Variants in ELMO1 observed in about 807,000 individuals in gnomAD.
ELMO1 encodes engulfment and cell motility protein 1.
Under a neutral mutation model 98.9 loss-of-function variants are expected in ELMO1, and 26 were observed. That is an observed-to-expected ratio of 0.26 (90% confidence interval 0.19 to 0.36). The LOEUF (loss-of-function observed/expected upper bound fraction) is 0.36, where lower values mean the gene tolerates loss of function less well. Among genes scored for constraint, ELMO1 ranks in the 10% least tolerant of loss-of-function variants. The pLI is 1.00. For synonymous variants in ELMO1, 346 were observed against 346.0 expected (o/e 1.00, Z 0.00); for missense variants, 627 against 935.2 (o/e 0.67, Z 4.30).
At chr7:37,291,808 A>G (rs866553005) in intron 4 of ELMO1, among the ~76,000 whole-genome samples, 2 of 152,104 alleles carry the variant, frequency 1.3e-5, no homozygotes, top group Admixed American at 6.5e-5. Context: ...CCAGCTACTC[A>G]GGAGGCTGAG....
chr7:36,914,366 T>C (rs1392722424), intron 16 of ELMO1, among the ~76,000 whole-genome samples: 2 of 152,222 alleles, frequency 1.3e-5, no homozygotes, highest in African/African-American at 4.8e-5. Flanking sequence ...ACTAGTACTA[T>C]ATTAGAAAGT....
intron 20 of ELMO1, among the ~76,000 whole-genome samples, chr7:36,868,348 C>T (rs796384912): frequency 1.4e-5 from 2 of 140,628 alleles, no homozygotes; most frequent in African/African-American, 2.7e-5. Flanking sequence ...TCTTCTTCTT[C>T]TTTTTTTTTT....
At chr7:37,066,689 A>T (rs1796994788) in intron 15 of ELMO1, among the ~76,000 whole-genome samples, 1 of 152,242 alleles carries the variant, frequency 6.6e-6, no homozygotes, top group African/African-American at 2.4e-5. Flanking sequence ...GGATATGCTA[A>T]TTATCCTGAT....
At chr7:36,892,268 C>A (rs1410528396) in intron 17 of ELMO1, among the ~76,000 whole-genome samples, 3 of 152,050 alleles carry the variant, frequency 2.0e-5, no homozygotes, top group South Asian at 2.1e-4. Flanking sequence ...GTGGTCAGGC[C>A]CCAGCCAAGT....
At chr7:37,178,429 C>T (rs1790626573) in intron 13 of ELMO1, among the ~76,000 whole-genome samples, 1 of 50,188 alleles carries the variant, frequency 2.0e-5, no homozygotes, top group Admixed American at 2.7e-4. Flanking sequence ...AATTCCCCAT[C>T]TCTTCAAAAA....
At chr7:37,355,392 G>A (rs1405308565) in intron 1 of ELMO1, among the ~76,000 whole-genome samples, 1 of 152,234 alleles carries the variant, frequency 6.6e-6, no homozygotes, top group African/African-American at 2.4e-5. Flanking sequence ...AAACACATCT[G>A]TAGTCCAGTC....
chr7:37,403,927 T>C (rs1803639959), intron 1 of ELMO1, among the ~76,000 whole-genome samples: 1 of 152,170 alleles, frequency 6.6e-6, no homozygotes, highest in Admixed American at 6.5e-5. Context: ...TTCATAATAA[T>C]GGATACTAGT....
chr7:37,279,374 G>A (rs1048247672), intron 4 of ELMO1, among the ~76,000 whole-genome samples: 1 of 152,176 alleles, frequency 6.6e-6, no homozygotes, highest in Non-Finnish European at 1.5e-5. Flanking sequence ...ACAGAGTAGC[G>A]TGCGGAAGCT....
At chr7:36,908,747 GT>G (rs1784140786) in intron 16 of ELMO1, among the ~76,000 whole-genome samples, 1 of 152,124 alleles carries the variant, frequency 6.6e-6, no homozygotes, top group African/African-American at 2.4e-5. Flanking sequence ...GAAAACGTAT[GT>G]TTAAAAACTG....
chr7:36,909,725 G>GT, intron 16 of ELMO1, among the ~76,000 whole-genome samples: 1 of 152,274 alleles, frequency 6.6e-6, no homozygotes, highest in Middle Eastern at 3.4e-3. Flanking sequence ...ATCTCACATT[G>GT]TAAGAGTGAC....
intron 2 of ELMO1, among the ~76,000 whole-genome samples, chr7:37,339,463 C>T (rs2131245016): frequency 6.6e-6 from 1 of 152,310 alleles, no homozygotes; most frequent in Non-Finnish European, 1.5e-5. Flanking sequence ...GAAATAGCAG[C>T]TATCCAGGCT....
intron 1 of ELMO1, among the ~76,000 whole-genome samples, chr7:37,365,681 C>T (rs1801876051): frequency 6.6e-6 from 1 of 152,138 alleles, no homozygotes; most frequent in African/African-American, 2.4e-5. Flanking sequence ...AAGAACTAAC[C>T]AATGCATTAA....
chr7:37,225,512 T>A (rs190509364), intron 8 of ELMO1, among the ~76,000 whole-genome samples: 10 of 152,296 alleles, frequency 6.6e-5, no homozygotes. Context: ...CGCACAAATC[T>A]CACTTGTCAA....
chr7:36,922,177 T>G (rs1262412367), intron 16 of ELMO1, among the ~76,000 whole-genome samples: 1 of 152,160 alleles, frequency 6.6e-6, no homozygotes, highest in African/African-American at 2.4e-5. Flanking sequence ...GGAAGCGGAT[T>G]GAATGACGCT....
chr7:36,981,988 C>G (rs764148928), intron 16 of ELMO1, among the ~76,000 whole-genome samples: 7 of 152,142 alleles, frequency 4.6e-5, no homozygotes, highest in Non-Finnish European at 1.0e-4. Context: ...TTCTGAGATC[C>G]TAGTGCCACA....
At chr7:37,148,889 ATC>A (rs1057113817) in intron 13 of ELMO1, among the ~76,000 whole-genome samples, 2 of 152,216 alleles carry the variant, frequency 1.3e-5, no homozygotes, top group Non-Finnish European at 2.9e-5. Context: ...TACAGTAGGC[ATC>A]TCTGTCTCCC....
chr7:37,428,030 G>GGTGTGTGTGT lies in ELMO1; in HGVS notation c.-74+20635_-74+20644dup, dbSNP rs10681558. Reference sequence around the variant, plus strand: ...ATCTACATGAAGGATGTATGCTTGGGGTGTGTGTGTGTGTGTGTGTGTGTG... The same window carrying GGTGTGTGTGT: ...ATCTACATGAAGGATGTATGCTTGGGGTGTGTGTGTGTGTGTGTGTGTGTGTGTGTGTGTG... On this transcript the variant is annotated intron_variant, in intron 1 of 21. Transcript: ENST00000310758. 1.7e-3 allele frequency among the ~76,000 whole-genome samples: 256 copies of GGTGTGTGTGT among 149,898 alleles called. 1 individual carries two copies. Among genetic ancestry groups the GGTGTGTGTGT allele is most frequent in the African/African-American group, 5.1e-3 (208 of 40,586 alleles).
intron 1 of ELMO1, among the ~76,000 whole-genome samples, chr7:37,352,576 T>A (rs1225221616): frequency 6.6e-6 from 1 of 152,216 alleles, no homozygotes; most frequent in Non-Finnish European, 1.5e-5. Context: ...AGGACATACT[T>A]TGAGACTATT....
At chr7:37,347,028 C>A (rs1801040971) in intron 1 of ELMO1, among the ~76,000 whole-genome samples, 1 of 152,118 alleles carries the variant, frequency 6.6e-6, no homozygotes, top group Non-Finnish European at 1.5e-5. Flanking sequence ...CTTAACCAAG[C>A]CCAATTAGAC....
Sources: gnomAD v4.1 joint callset for allele counts (sites outside exome capture counted in the v4.1 genomes callset) on GRCh38, gnomAD v4.1.1 for gene constraint, MANE v1.5 for transcripts, NCBI Gene and HGNC (gene_info 2026-07-23, HGNC 2026-07-21) for gene names.